SLC2A5: variants seen among roughly 807,000 people sequenced by gnomAD.
SLC2A5 encodes solute carrier family 2, facilitated glucose transporter member 5.
A neutral mutation model predicts 50.3 loss-of-function variants in SLC2A5; 56 were observed. That is an observed-to-expected ratio of 1.11 (90% CI 0.90 to 1.39). The LOEUF (loss-of-function observed/expected upper bound fraction) is 1.39, where lower values mean the gene tolerates loss of function less well. Ranked by LOEUF, SLC2A5 falls within the 40% of genes most tolerant of loss-of-function variation. The pLI is 0.00. For missense variants in SLC2A5, 566 were observed against 650.1 expected (o/e 0.87, Z 1.41); for synonymous variants, 269 against 281.9 (o/e 0.95, Z 0.46).
rs75153339 is a variant in SLC2A5, at chr1:9,050,991, A to G, written c.294-3257T>C. Among the ~76,000 whole-genome samples the G allele has an allele frequency of 2.9e-3, 436 of 152,302 alleles. 3 individuals are homozygous for G. The highest frequency in any genetic ancestry group is 9.9e-3 in the African/African-American group (410 of 41,558). On this transcript the variant is annotated intron_variant, in intron 3 of 11. Transcript: ENST00000377424. ...CCAGGGAGGAAGAGGTAAACCAACA[A>G]TTCTGGTCTGAAGTTGCTCACGTGA...
At chr1:9,060,677 CA>C (rs1641917849) in intron 1 of SLC2A5, among the ~76,000 whole-genome samples, 1 of 139,156 alleles carries the variant, frequency 7.2e-6, no homozygotes, top group African/African-American at 2.6e-5. Context: ...CCCACACACA[CA>C]CCACATACAC....
chr1:9,039,806 G>T lies in SLC2A5; in HGVS notation c.879C>A (p.Val293=). ...VLMGGQQLSG[V]NAIYYYADQI... ...GCCGCAGCCCGGCCCATACAGCGTTGACGCCCGACAGCTGCTGGCCGCCCA... is the reference window on the plus strand; with the variant it reads ...GCCGCAGCCCGGCCCATACAGCGTTTACGCCCGACAGCTGCTGGCCGCCCA... Residue 293 remains valine (V), a synonymous_variant, in exon 7 of 12, where the codon GTC becomes GTA. Transcript: ENST00000377424. The T allele has an allele frequency of 6.3e-7, 1 of 1,584,652 alleles. No homozygotes were observed.
chr1:9,075,381 T>C (rs1010446010), intron 2 of SLC2A5, among the ~76,000 whole-genome samples: 3 of 152,126 alleles, frequency 2.0e-5, no homozygotes, highest in Non-Finnish European at 4.4e-5. Flanking sequence ...TCCTATAAAA[T>C]CTCCAGCAAG....
intron 1 of SLC2A5, 140 bp from the exon 2 acceptor site, chr1:9,058,390 C>T (rs1264019826): frequency 1.5e-6 from 1 of 649,192 alleles, no homozygotes; most frequent in East Asian, 2.9e-5. Flanking sequence ...AACCTACCCT[C>T]AACCCACCTT....
chr1:9,067,212 G>A (rs560290708), intron 1 of SLC2A5, among the ~76,000 whole-genome samples: 3 of 152,174 alleles, frequency 2.0e-5, no homozygotes, highest in Non-Finnish European at 2.9e-5. Context: ...CATTGGGATC[G>A]CTTCCTTCAG....
chr1:9,057,750 A>G (rs1037593288), intron 2 of SLC2A5, 142 bp from the exon 3 acceptor site: 39 of 719,920 alleles, frequency 5.4e-5, no homozygotes, highest in Non-Finnish European at 8.9e-5. Context: ...GAGGCAGGAC[A>G]GAGCTTCAGG....
At chr1:9,092,264 C>A (rs1642468474), upstream of SLC2A5, among the ~76,000 whole-genome samples, 1 of 152,120 alleles carries the variant, frequency 6.6e-6, no homozygotes, top group South Asian at 2.1e-4. Context: ...CCAAACACAA[C>A]AACTAACCAC....
At position 9,037,472 on chromosome 1, in the gene SLC2A5, A is replaced by C; in HGVS notation, c.*114T>G. 1 of 877,312 alleles carries C rather than the reference A, an allele frequency of 1.1e-6. No homozygotes were observed. The highest frequency in any genetic ancestry group is 2.4e-5 in the East Asian group (1 of 41,486). The allele number at this position is 877,312 out of a possible 1,614,324, so 54.3% of individuals were successfully genotyped here. A position where few individuals can be genotyped will look rare whatever the true frequency, so the allele number is the denominator to read the frequency against. ...TGGGGAGGCTGGAGATGAGGACTGC[A>C]TTCCACATCAGAGTTGTTTTATTTC... is the stretch of plus-strand genomic sequence containing the variant. On this transcript the variant is annotated 3_prime_UTR_variant, in exon 12 of 12. Coordinates refer to ENST00000377424, the MANE Select transcript of SLC2A5 (RefSeq NM_003039.3).
At chr1:9,039,360 G>A (rs1641228094) in intron 8 of SLC2A5, among the ~76,000 whole-genome samples, 192 bp downstream of exon 8, 1 of 152,226 alleles carries the variant, frequency 6.6e-6, no homozygotes, top group Admixed American at 6.5e-5. Flanking sequence ...TGGTGGCCCC[G>A]GGCCCGGTGC....
chr1:9,094,132 T>C, the SLC2A5 span, among the ~76,000 whole-genome samples: 2 of 152,222 alleles, frequency 1.3e-5, no homozygotes, highest in African/African-American at 4.8e-5. Flanking sequence ...ACACTATCAT[T>C]GTTAAGCACC....
intron 2 of SLC2A5, among the ~76,000 whole-genome samples, chr1:9,079,957 C>T (rs1309461749): frequency 6.6e-6 from 1 of 152,222 alleles, no homozygotes; most frequent in African/African-American, 2.4e-5. Context: ...TAAACAACTA[C>T]TCCCCATTTT....
In SLC2A5 at chr1:9,040,068, C is replaced by T. The variant is rs1641259045; in HGVS notation, c.693G>A (p.Lys231=). The T allele has an allele frequency of 6.3e-7, 1 of 1,587,174 alleles. No homozygotes were observed. The highest frequency in any genetic ancestry group is 1.4e-5 in the African/African-American group (1 of 74,036). The change falls in exon 6 of 12, where the codon AAG becomes AAA. Residue 231 remains lysine, a synonymous_variant. Coordinates refer to ENST00000377424, the MANE Select transcript of SLC2A5 (RefSeq NM_003039.3). The surrounding 1 kb of genome is among the most constrained non-coding windows in gnomAD (Gnocchi z 4.3). ...CCCCGCCAGAGCCCTCGTTACCTTTCTTGGCGGCCGCTTCGTCTTTCTTCT... is the reference window on the plus strand; with the variant it reads ...CCCCGCCAGAGCCCTCGTTACCTTTTTTGGCGGCCGCTTCGTCTTTCTTCT... ...LIQKKDEAAA[K]KALQTLRGWD...
chr1:9,063,984 C>T (rs1186329560), intron 1 of SLC2A5, among the ~76,000 whole-genome samples: 2 of 151,580 alleles, frequency 1.3e-5, no homozygotes, highest in South Asian at 2.1e-4. Flanking sequence ...CGTGAGCCAC[C>T]GCGCCCGGCC....
chr1:9,047,779 C>T lies in SLC2A5; in HGVS notation c.294-45G>A, dbSNP rs779134802. ...AGTTAGTTTTGCTGAAGAATTCACT[C>T]TTTCATTCAAGAAATGTTTCTGGAG... On this transcript the variant is annotated intron_variant, in intron 3 of 11. Coordinates refer to ENST00000377424, the MANE Select transcript of SLC2A5 (RefSeq NM_003039.3). The T allele has an allele frequency of 1.9e-6, 3 of 1,600,342 alleles. No homozygotes were observed. In the East Asian group the frequency reaches 6.7e-5, roughly 36 times the overall value.
chr1:9,052,539 T>G (rs761842429), intron 3 of SLC2A5, among the ~76,000 whole-genome samples: 3 of 152,154 alleles, frequency 2.0e-5, no homozygotes, highest in Non-Finnish European at 1.5e-5. Context: ...TAAACCCTAA[T>G]GTACACTATG....
intron 2 of SLC2A5, among the ~76,000 whole-genome samples, chr1:9,079,778 C>A (rs1313391218): frequency 6.6e-6 from 1 of 152,218 alleles, no homozygotes; most frequent in African/African-American, 2.4e-5. Context: ...TGAGCCACCA[C>A]GCCCAGCCGA....
At position 9,040,699 on chromosome 1, in the gene SLC2A5, CA is replaced by C; in HGVS notation, c.572-511del. 6.4e-6 allele frequency: 1 copy of C among 155,578 alleles called. No homozygotes were observed. 9.6% of individuals were successfully genotyped at this position (155,578 alleles called of 1,614,324 possible). A position where few individuals can be genotyped will look rare whatever the true frequency, so the allele number is the denominator to read the frequency against. ...TGCAAAGGCAAAACTAGAGGCAAAG[CA>C]AAAAAATGAAGCACAGAGCTTCACA... On this transcript the variant is annotated intron_variant, in intron 5 of 11. Transcript: ENST00000377424. This position sits in a 1 kb window ranked among gnomAD's most constrained non-coding sequence, Gnocchi z 4.3.
chr1:9,060,130 A>C (rs75353457), intron 1 of SLC2A5, among the ~76,000 whole-genome samples: 6 of 92,384 alleles, frequency 6.5e-5, no homozygotes, highest in African/African-American at 1.7e-4. Flanking sequence ...ACACACACAC[A>C]ACACACACAC....
rs150154380 is a variant in SLC2A5 at position 9,039,893 on chromosome 1, G to C, written c.792C>G (p.Ser264=). 1.3e-4 allele frequency: 204 copies of C among 1,612,776 alleles called. 2 individuals are homozygous for C. The South Asian group carries it at 2.0e-3, about 15-fold the overall frequency. The part of the protein sequence containing the change: ...DEAEKAAGFI[S]VLKLFRMRSL... ...AGCGCATCCGGAACAGCTTCAGCAC[G>C]GAGATGAAGCCCGCGGCCTTCTCTG... Residue 264 remains serine (S), a synonymous_variant, in exon 7 of 12, where the codon TCC becomes TCG. Transcript: ENST00000377424.
Sources: gnomAD v4.1 joint callset for allele counts (sites outside exome capture counted in the v4.1 genomes callset) on GRCh38, gnomAD v4.1.1 for gene constraint, Gnocchi (gnomAD v3.1) non-coding constraint, MANE v1.5 for transcripts, NCBI Gene and HGNC (gene_info 2026-07-23, HGNC 2026-07-21) for gene names.